Variants in ANK3 observed in about 807,000 individuals in gnomAD.
ANK3 encodes ankyrin 3.
A neutral mutation model predicts 370.9 loss-of-function variants in ANK3; 57 were observed. The observed-to-expected ratio is 0.15, with a 90% CI of 0.12 to 0.19. ANK3 has a LOEUF of 0.19. Among genes scored for constraint, ANK3 ranks in the 10% least tolerant of loss-of-function variants. The pLI is 1.00. For missense variants in ANK3, 4,439 were observed against 5,302.1 expected (o/e 0.84, Z 5.06); for synonymous variants, 1,929 against 1,946.3 (o/e 0.99, Z 0.23).
intron 2 of ANK3, among the ~76,000 whole-genome samples, chr10:60,409,864 T>G (rs1476686440): frequency 6.6e-6 from 1 of 152,206 alleles, no homozygotes; most frequent in Non-Finnish European, 1.5e-5. Context: ...TCTACCAGTG[T>G]TCTTAGCTCA....
At chr10:60,097,848 T>C (rs1213421157) in intron 28 of ANK3, among the ~76,000 whole-genome samples, 1 of 152,210 alleles carries the variant, frequency 6.6e-6, no homozygotes, top group Admixed American at 6.5e-5. Context: ...GCCTCAAGGT[T>C]TCCCAAAGGA....
intron 1 of ANK3, among the ~76,000 whole-genome samples, chr10:60,633,904 A>G (rs1478800260): frequency 2.0e-5 from 3 of 152,200 alleles, no homozygotes; most frequent in Non-Finnish European, 2.9e-5. Flanking sequence ...AATATTGCCA[A>G]TGCTTCCTGC....
Position 60,622,930 on chromosome 10 carries a change from T to C in ANK3, c.58-7706A>G, listed in dbSNP as rs573530310. On this transcript the variant is annotated intron_variant, in intron 1 of 43. Coordinates refer to the ANK3 transcript ENST00000373827. ...AAAGAACGCAATGCTAGTGTTTACG[T>C]GCTCAAGTGAATTCAGTTATTTAAA... Among the ~76,000 whole-genome samples, 8 of 152,322 alleles carry C rather than the reference T, an allele frequency of 5.3e-5. 2 individuals are homozygous for C. The South Asian group carries it at 1.7e-3, about 32-fold the overall frequency.
intron 1 of ANK3, among the ~76,000 whole-genome samples, chr10:60,311,046 A>T (rs2046234926): frequency 6.6e-6 from 1 of 152,174 alleles, no homozygotes; most frequent in African/African-American, 2.4e-5. Context: ...GTTATCAGAG[A>T]TAGGAAACAA....
At chr10:60,238,626 G>A (rs1350559420) in intron 7 of ANK3, among the ~76,000 whole-genome samples, 1 of 152,082 alleles carries the variant, frequency 6.6e-6, no homozygotes, top group Admixed American at 6.6e-5. Context: ...CTGTGCTGCA[G>A]GTGTGCAGAG....
rs905267331 is a variant in ANK3, at chr10:60,406,089, C to A, written c.97-126450G>T. On this transcript the variant is annotated intron_variant, in intron 2 of 43. Coordinates refer to the ANK3 transcript ENST00000373827. Reference sequence around the variant, plus strand: ...GAGGACCTTGCTCAAAGTGTCAGGGCAATAAAAGGGGTCAAACTTTTTCTG... The same window carrying A: ...GAGGACCTTGCTCAAAGTGTCAGGGAAATAAAAGGGGTCAAACTTTTTCTG... Among the ~76,000 whole-genome samples, 10 of 152,074 alleles carry A rather than the reference C, an allele frequency of 6.6e-5. 1 individual carries two copies. The highest frequency in any genetic ancestry group is 2.4e-4 in the African/African-American group (10 of 41,420).
intron 2 of ANK3, among the ~76,000 whole-genome samples, chr10:60,480,135 C>T (rs1017211782): frequency 6.6e-6 from 1 of 152,076 alleles, no homozygotes; most frequent in Non-Finnish European, 1.5e-5. Flanking sequence ...AGGGACTACT[C>T]CTAGAGTTCC....
At position 60,644,838 on chromosome 10, in the gene ANK3, T is replaced by TA. The variant is rs146950954; in HGVS notation, c.58-29615dup. Among the ~76,000 whole-genome samples the TA allele has an allele frequency of 2.4e-3, 265 of 108,342 alleles. 7 individuals carry two copies. The highest frequency in any genetic ancestry group is 8.1e-3 in the African/African-American group (251 of 30,798). 71.1% of individuals were successfully genotyped at this position (108,342 alleles called of 152,430 possible). A position where few individuals can be genotyped will look rare whatever the true frequency, so the allele number is the denominator to read the frequency against. On this transcript the variant is annotated intron_variant, in intron 1 of 43. Coordinates refer to the ANK3 transcript ENST00000373827. Reference sequence around the variant, plus strand: ...AACTATCCAAGGAAGTTAATTTAGTTAAAAGAAAAAAAAAGCTGAGATTCA... The same window carrying TA: ...AACTATCCAAGGAAGTTAATTTAGTTAAAAAGAAAAAAAAAGCTGAGATTCA...
chr10:60,491,428 A>C (rs955689618), intron 2 of ANK3, among the ~76,000 whole-genome samples: 1 of 152,234 alleles, frequency 6.6e-6, no homozygotes, highest in Non-Finnish European at 1.5e-5. Flanking sequence ...CTGTGAATGC[A>C]AATCATAATA....
intron 1 of ANK3, among the ~76,000 whole-genome samples, chr10:60,281,878 T>G (rs2098168320): frequency 6.6e-6 from 1 of 152,150 alleles, no homozygotes; most frequent in Non-Finnish European, 1.5e-5. Flanking sequence ...TGAAAATCAT[T>G]TAATCAGAGC....
At chr10:60,706,471 G>C (rs2079618842) in intron 1 of ANK3, among the ~76,000 whole-genome samples, 1 of 151,774 alleles carries the variant, frequency 6.6e-6, no homozygotes, top group Non-Finnish European at 1.5e-5. Flanking sequence ...AACATCCCAA[G>C]CCTGTGATAA....
At chr10:60,283,315 C>CTT (rs10634838) in intron 1 of ANK3, among the ~76,000 whole-genome samples, 113,590 of 151,738 alleles carry the variant, frequency 0.75, 42,618 homozygotes, top group South Asian at 0.91. Context: ...AGGAGTTACT[C>CTT]AACACAGTCT....
chr10:60,105,848 C>T, intron 28 of ANK3, 57 bp downstream of exon 28: 1 of 1,515,228 alleles, frequency 6.6e-7, no homozygotes, highest in Non-Finnish European at 8.8e-7. Flanking sequence ...GTAATCTAGT[C>T]ATTCCTTTAA....
intron 1 of ANK3, among the ~76,000 whole-genome samples, chr10:60,619,284 T>C (rs952840196): frequency 7.2e-5 from 11 of 152,092 alleles, no homozygotes; most frequent in African/African-American, 1.4e-4. Context: ...CCTTTTCTGA[T>C]AACCAGCTGC....
chr10:60,678,983 T>G (rs1427949177), intron 1 of ANK3, among the ~76,000 whole-genome samples: 1 of 152,064 alleles, frequency 6.6e-6, no homozygotes, highest in Admixed American at 6.6e-5. Flanking sequence ...GGAGATCACA[T>G]AGCAAAGGCA....
intron 1 of ANK3, among the ~76,000 whole-genome samples, chr10:60,308,295 C>CTTTTTTTTTTTT: frequency 1.2e-5 from 1 of 84,090 alleles, no homozygotes; most frequent in Non-Finnish European, 2.2e-5. Context: ...GGGAATCTGG[C>CTTTTTTTTTTTT]TTTTTTTTTT....
intron 18 of ANK3, among the ~76,000 whole-genome samples, chr10:60,173,911 T>C (rs966772127): frequency 2.0e-5 from 3 of 152,162 alleles, no homozygotes; most frequent in African/African-American, 7.2e-5. Flanking sequence ...TAGATAATTA[T>C]TTTCTTTAAA....
intron 21 of ANK3, among the ~76,000 whole-genome samples, chr10:60,169,951 A>G (rs1465610727): frequency 6.6e-6 from 1 of 151,902 alleles, no homozygotes. Flanking sequence ...ACTTTTTGAC[A>G]CTCTAAGATG....
intron 25 of ANK3, among the ~76,000 whole-genome samples, chr10:60,134,036 T>A (rs1165776927): frequency 6.6e-6 from 1 of 152,154 alleles, no homozygotes; most frequent in Non-Finnish European, 1.5e-5. Context: ...TAACTACACA[T>A]CTCCTAGGAC....
Sources: allele counts gnomAD v4.1 joint callset (sites outside exome capture counted in the v4.1 genomes callset), GRCh38; gene constraint gnomAD v4.1.1; transcripts MANE v1.5; gene names NCBI Gene and HGNC (gene_info 2026-07-23, HGNC 2026-07-21).